TET1: variants seen among roughly 807,000 people sequenced by gnomAD.
TET1 encodes the protein methylcytosine dioxygenase TET1.
TET1 carries 13 observed loss-of-function variants against 148.7 expected under a neutral mutation model. The ratio of observed to expected loss-of-function variants is 0.09; its 90% CI spans 0.06 to 0.14. TET1 has a LOEUF of 0.14. TET1 is among the 10% of genes least tolerant of loss of function. TET1 has a pLI of 1.00. For synonymous variants in TET1, 907 were observed against 937.2 expected (o/e 0.97, Z 0.59); for missense variants, 2,182 against 2,553.8 (o/e 0.85, Z 3.14).
chr10:68,637,539 T>TTTTTTTTTTTTTC (rs2054672119), intron 3 of TET1, among the ~76,000 whole-genome samples: 11 of 147,920 alleles, frequency 7.4e-5, no homozygotes, highest in African/African-American at 2.8e-4. Flanking sequence ...TTTTTTTTTT[T>TTTTTTTTTTTTTC]AAGAGACAGA....
chr10:68,569,395 C>T (rs1048146343), intron 1 of TET1, among the ~76,000 whole-genome samples: 1 of 151,752 alleles, frequency 6.6e-6, no homozygotes, highest in South Asian at 2.1e-4. Context: ...AGGATGGTCT[C>T]GATCTCCTGA....
At chr10:68,681,777 G>T (rs1251064170) in intron 9 of TET1, among the ~76,000 whole-genome samples, 1 of 152,020 alleles carries the variant, frequency 6.6e-6, no homozygotes, top group Non-Finnish European at 1.5e-5. Context: ...GAATAGCCTG[G>T]CCCACATGGT....
chr10:68,656,543 T>A (rs2055024683), intron 6 of TET1, among the ~76,000 whole-genome samples: 3 of 152,256 alleles, frequency 2.0e-5, no homozygotes, highest in African/African-American at 4.8e-5. Flanking sequence ...ATAGATTTTT[T>A]AACAGATTTT....
intron 2 of TET1, among the ~76,000 whole-genome samples, chr10:68,589,816 C>T (rs1270924085): frequency 6.6e-6 from 1 of 151,542 alleles, no homozygotes; most frequent in African/African-American, 2.4e-5. Context: ...GGACTACAGG[C>T]ATGCACCACC....
At chr10:68,680,221 A>G (rs1479334621) in intron 8 of TET1, among the ~76,000 whole-genome samples, 1 of 152,242 alleles carries the variant, frequency 6.6e-6, no homozygotes, top group Non-Finnish European at 1.5e-5. Context: ...GATGCATACC[A>G]AAGGTCAATT....
chr10:68,647,346 G>A (rs2054866366), intron 4 of TET1, among the ~76,000 whole-genome samples: 1 of 152,208 alleles, frequency 6.6e-6, no homozygotes. Context: ...GCTCTTGCCT[G>A]TAATCCCAAC....
chr10:68,577,075 AT>A (rs999719743), intron 2 of TET1, among the ~76,000 whole-genome samples: 1 of 151,738 alleles, frequency 6.6e-6, no homozygotes, highest in East Asian at 1.9e-4. Context: ...CGCCCGGCTA[AT>A]TTTTTTTGTA....
intron 2 of TET1, among the ~76,000 whole-genome samples, chr10:68,581,077 A>AT (rs1469079660): frequency 6.6e-6 from 1 of 152,206 alleles, no homozygotes; most frequent in Admixed American, 6.5e-5. Flanking sequence ...ATTTCTCAGA[A>AT]TGTTGACTGC....
In TET1 at chr10:68,645,316, C is replaced by G. The variant is rs2054825471; in HGVS notation, c.2587C>G (p.Pro863Ala). 5.6e-6 allele frequency: 9 copies of G among 1,614,082 alleles called. No individual in the cohort carries two copies. In the East Asian group the frequency reaches 2.0e-4, roughly 36 times the overall value. ...TCAACCAAAAACTCCTGAGAATATA[C>G]CAAGTAAAGAACCAAAAGATGGATC... ...GDQPKTPENI[P>A]SKEPKDGSPV... The change falls in exon 4 of 12, where the codon CCA (proline) becomes GCA (alanine). Residue 863 changes from proline to alanine, a missense_variant. Around this residue, in one of 11 missense-constraint regions of TET1, gnomAD observed 582 missense variants for 599.5 expected, o/e 0.97. Coordinates refer to ENST00000373644, the MANE Select transcript of TET1 (RefSeq NM_030625.3).
chr10:68,600,432 T>C (rs1003276751), intron 2 of TET1, among the ~76,000 whole-genome samples: 1 of 152,184 alleles, frequency 6.6e-6, no homozygotes, highest in African/African-American at 2.4e-5. Context: ...TCGCAGCTTG[T>C]GGCTGCCTGT....
intron 11 of TET1, among the ~76,000 whole-genome samples, chr10:68,687,554 CGTT>C (rs1205733463): frequency 1.3e-5 from 2 of 151,964 alleles, no homozygotes; most frequent in Non-Finnish European, 2.9e-5. Flanking sequence ...TGTGGGTTGT[CGTT>C]GTTGTTTTTG....
intron 11 of TET1, among the ~76,000 whole-genome samples, chr10:68,687,700 C>T (rs61868128): frequency 0.08 from 12,141 of 152,180 alleles, 692 homozygotes; most frequent in Non-Finnish European, 0.12. Context: ...GCAATCCTCC[C>T]ACCTCAGCCT....
intron 2 of TET1, among the ~76,000 whole-genome samples, chr10:68,577,527 G>T (rs886531861): frequency 3.9e-5 from 6 of 151,936 alleles, no homozygotes; most frequent in Non-Finnish European, 7.4e-5. Flanking sequence ...TCATAGCTGG[G>T]CCGGGTGCAT....
At chr10:68,635,158 G>T (rs1204849848) in intron 3 of TET1, among the ~76,000 whole-genome samples, 1 of 151,416 alleles carries the variant, frequency 6.6e-6, no homozygotes, top group Non-Finnish European at 1.5e-5. Context: ...TTTGAGACTG[G>T]AATTACTAGG....
intron 3 of TET1, among the ~76,000 whole-genome samples, chr10:68,640,181 C>A (rs1006133657): frequency 6.6e-6 from 1 of 151,618 alleles, no homozygotes; most frequent in African/African-American, 2.4e-5. Context: ...CCTGCCTCGA[C>A]CTCCCAAAGT....
chr10:68,692,255 T>A lies in TET1; in HGVS notation c.*441T>A. 1 of 235,142 alleles carries A rather than the reference T, an allele frequency of 4.3e-6. No homozygotes were observed. Among genetic ancestry groups the A allele is most frequent in the Non-Finnish European group, 8.4e-6 (1 of 119,266 alleles). The allele number at this position is 235,142 out of a possible 1,614,324, so 14.6% of individuals were successfully genotyped here. On this transcript the variant is annotated 3_prime_UTR_variant, in exon 12 of 12. Coordinates refer to ENST00000373644, the MANE Select transcript of TET1 (RefSeq NM_030625.3). ...CCACACAGTTAAAAATAAGCTGAAT[T>A]ATTATTTCATGGTGCCATTGTTCCA... is the stretch of plus-strand genomic sequence containing the variant.
chr10:68,608,427 G>A (rs1376941086), intron 3 of TET1, among the ~76,000 whole-genome samples: 3 of 151,164 alleles, frequency 2.0e-5, no homozygotes, highest in Non-Finnish European at 4.4e-5. Context: ...AGTAGAGATG[G>A]GGTTTCACCA....
intron 6 of TET1, 133 bp downstream of exon 6, chr10:68,652,727 C>T (rs368074787): frequency 4.5e-5 from 27 of 599,672 alleles, no homozygotes; most frequent in Admixed American, 3.1e-4. Context: ...CAGGCTTTGT[C>T]GCCCCGGCTG....
Position 68,672,887 on chromosome 10 carries a change from T to C in TET1, c.4674-8T>C, listed in dbSNP as rs10998381. ...ATCAATTCACTCTCTTGAATTACAA[T>C]CTTACAGTCGTACCTGTACATGTCA... is the stretch of plus-strand genomic sequence containing the variant. On this transcript the variant is annotated splice_region_variant and splice_polypyrimidine_tract_variant and intron_variant, in intron 7 of 11. Transcript: ENST00000373644. 1.4e-3 allele frequency: 2,237 copies of C among 1,601,090 alleles called. 40 individuals are homozygous for C. In the East Asian group the frequency reaches 0.044, roughly 31 times the overall value.
Sources: allele counts gnomAD v4.1 joint callset (sites outside exome capture counted in the v4.1 genomes callset), GRCh38; gene constraint gnomAD v4.1.1; regional missense constraint gnomAD v4.1.1; transcripts MANE v1.5; gene names NCBI Gene and HGNC (gene_info 2026-07-23, HGNC 2026-07-21).